The following CSMD1 variants were observed in gnomAD, a reference collection of about 807,000 sequenced individuals.
CSMD1 encodes CUB and Sushi multiple domains 1.
Under a neutral mutation model 417.5 loss-of-function variants are expected in CSMD1, and 213 were observed. The ratio of observed to expected loss-of-function variants is 0.51; its 90% CI spans 0.46 to 0.57. The LOEUF (loss-of-function observed/expected upper bound fraction) is 0.57, where lower values mean the gene tolerates loss of function less well. Among genes scored for constraint, CSMD1 ranks in the 20% least tolerant of loss-of-function variants. The probability of loss-of-function intolerance (pLI) is 0.00; values close to 1 mark genes in which losing one functional copy is unlikely to be tolerated. For synonymous variants in CSMD1, 2,862 were observed against 1,736.8 expected, an observed-to-expected ratio of 1.65 and a Z score of -16.11; for missense variants, 6,923 against 4,529.7, an observed-to-expected ratio of 1.53 and a Z score of -15.17.
At chr8:4,815,631 G>A (rs925455104) in intron 1 of CSMD1, among the ~76,000 whole-genome samples, 2 of 145,900 alleles carry the variant, frequency 1.4e-5, no homozygotes, top group African/African-American at 2.6e-5. Flanking sequence ...AGGAGATGAA[G>A]GTTGCAGTGA....
chr8:4,751,879 A>T (rs1257165560), intron 1 of CSMD1, among the ~76,000 whole-genome samples: 2 of 152,146 alleles, frequency 1.3e-5, no homozygotes, highest in African/African-American at 4.8e-5. Flanking sequence ...TTAGTTTCCA[A>T]TTAATCATCC....
At chr8:4,531,520 C>G (rs1585211055) in intron 2 of CSMD1, among the ~76,000 whole-genome samples, 1 of 152,088 alleles carries the variant, frequency 6.6e-6, no homozygotes, top group South Asian at 2.1e-4. Context: ...CCCTACACAC[C>G]CCCAGAAGGT....
At chr8:3,297,608 A>G (rs922820289) in intron 25 of CSMD1, among the ~76,000 whole-genome samples, 1 of 152,228 alleles carries the variant, frequency 6.6e-6, no homozygotes, top group African/African-American at 2.4e-5. Context: ...AACTGTGGAC[A>G]AAAATCTGTG....
intron 1 of CSMD1, among the ~76,000 whole-genome samples, chr8:4,737,656 A>G (rs1810333870): frequency 6.6e-6 from 1 of 152,224 alleles, no homozygotes; most frequent in African/African-American, 2.4e-5. Flanking sequence ...GATAAAAGAA[A>G]AAGAGACAGG....
chr8:3,504,768 A>C (rs1383168303), intron 10 of CSMD1, among the ~76,000 whole-genome samples: 2 of 152,190 alleles, frequency 1.3e-5, no homozygotes, highest in Non-Finnish European at 2.9e-5. Context: ...TGGTTTTCAC[A>C]AACTACTTAG....
chr8:4,501,802 A>G (rs959067632), intron 2 of CSMD1, among the ~76,000 whole-genome samples: 1 of 152,128 alleles, frequency 6.6e-6, no homozygotes, highest in Non-Finnish European at 1.5e-5. Flanking sequence ...TATAACATGC[A>G]AGCGTAGTGG....
chr8:3,211,632 C>G (rs926474607), intron 30 of CSMD1, among the ~76,000 whole-genome samples: 1 of 152,330 alleles, frequency 6.6e-6, no homozygotes, highest in South Asian at 2.1e-4. Flanking sequence ...TGTCATCGCT[C>G]TCAGCCCTGC....
chr8:4,079,715 A>C (rs894951686), intron 3 of CSMD1, among the ~76,000 whole-genome samples: 1 of 152,206 alleles, frequency 6.6e-6, no homozygotes, highest in Non-Finnish European at 1.5e-5. Context: ...TTTCCATAGT[A>C]TGAATAGCCC....
intron 1 of CSMD1, among the ~76,000 whole-genome samples, chr8:4,737,653 GAA>G (rs1810333798): frequency 6.6e-6 from 1 of 152,238 alleles, no homozygotes; most frequent in Admixed American, 6.5e-5. Flanking sequence ...TGAGATAAAA[GAA>G]AAAGAGACAG....
intron 1 of CSMD1, among the ~76,000 whole-genome samples, chr8:4,769,231 T>C (rs1337615311): frequency 6.6e-6 from 1 of 152,184 alleles, no homozygotes; most frequent in Non-Finnish European, 1.5e-5. Context: ...AATGAAGAGA[T>C]GCATATAAAA....
chr8:3,846,422 AG>A (rs1166099247), intron 5 of CSMD1, among the ~76,000 whole-genome samples: 3 of 152,178 alleles, frequency 2.0e-5, no homozygotes, highest in South Asian at 2.1e-4. Context: ...AGTTTTGATT[AG>A]CCCCAACTGA....
chr8:4,306,300 T>G (rs77407908), intron 3 of CSMD1, among the ~76,000 whole-genome samples: 114,935 of 151,972 alleles, frequency 0.76, 43,575 homozygotes, highest in East Asian at 0.85. Flanking sequence ...CTAAATAATA[T>G]ATAACAGCCC....
intron 3 of CSMD1, among the ~76,000 whole-genome samples, chr8:4,309,822 C>G (rs2128878108): frequency 6.6e-6 from 1 of 152,268 alleles, no homozygotes; most frequent in East Asian, 1.9e-4. Flanking sequence ...GCCCTTACTT[C>G]ATTTTAAATA....
chr8:3,540,262 A>G (rs192830972), intron 10 of CSMD1, among the ~76,000 whole-genome samples: 2 of 152,326 alleles, frequency 1.3e-5, no homozygotes, highest in Admixed American at 1.3e-4. Flanking sequence ...CTTACTTGCA[A>G]AACAACCTCC....
intron 5 of CSMD1, among the ~76,000 whole-genome samples, chr8:3,872,947 A>G (rs1805577414): frequency 6.6e-6 from 1 of 152,182 alleles, no homozygotes; most frequent in South Asian, 2.1e-4. Context: ...CAATCATATG[A>G]AAAAAAGCTC....
At chr8:3,593,101 G>A (rs113638680) in intron 8 of CSMD1, among the ~76,000 whole-genome samples, 7 of 152,186 alleles carry the variant, frequency 4.6e-5, no homozygotes, top group East Asian at 1.9e-4. Flanking sequence ...TGCTTAAAGC[G>A]GTCTGGCTAC....
chr8:4,777,912 A>T (rs530412233), intron 1 of CSMD1, among the ~76,000 whole-genome samples: 28 of 152,326 alleles, frequency 1.8e-4, no homozygotes, highest in African/African-American at 6.3e-4. Flanking sequence ...ATCCCACATC[A>T]AAGGGCTACT....
chr8:3,454,813 T>C (rs1249432519), intron 12 of CSMD1, among the ~76,000 whole-genome samples: 1 of 152,130 alleles, frequency 6.6e-6, no homozygotes, highest in South Asian at 2.1e-4. Flanking sequence ...TCTCGAGGAG[T>C]ATCTTTGTGG....
chr8:4,904,449 G>T (rs1233822993), intron 1 of CSMD1, among the ~76,000 whole-genome samples: 1 of 152,166 alleles, frequency 6.6e-6, no homozygotes. Flanking sequence ...ATTTGAAGAG[G>T]TAAGAGACAT....
Sources: gnomAD v4.1 joint callset for allele counts (sites outside exome capture counted in the v4.1 genomes callset) on GRCh38, gnomAD v4.1.1 for gene constraint, MANE v1.5 for transcripts, NCBI Gene and HGNC (gene_info 2026-07-23, HGNC 2026-07-21) for gene names.